The following CNTN5 variants were observed in gnomAD, a reference collection of about 807,000 sequenced individuals.
CNTN5 encodes the protein contactin 5, also known as contactin-5.
Under a neutral mutation model 129.1 loss-of-function variants are expected in CNTN5, and 77 were observed. The ratio of observed to expected loss-of-function variants is 0.60; its 90% CI spans 0.50 to 0.72. The LOEUF is 0.72. CNTN5 is among the 30% of genes least tolerant of loss of function. The pLI, the probability that CNTN5 is intolerant of heterozygous loss-of-function variation, is 0.00. For synonymous variants in CNTN5, 509 were observed against 465.6 expected, an observed-to-expected ratio of 1.09 and a Z score of -1.20; for missense variants, 1,478 against 1,328.8, an observed-to-expected ratio of 1.11 and a Z score of -1.75.
At chr11:100,256,005 T>G in intron 17 of CNTN5, 87 bp downstream of exon 17, 1 of 1,175,436 alleles carries the variant, frequency 8.5e-7, no homozygotes, top group Non-Finnish European at 1.2e-6. Context: ...ACTATGATTT[T>G]TTTGGATTCT....
intron 3 of CNTN5, among the ~76,000 whole-genome samples, chr11:99,806,860 A>G (rs1456014156): frequency 3.1e-5 from 4 of 129,672 alleles, no homozygotes; most frequent in Admixed American, 2.5e-4. Context: ...AAATACATAA[A>G]TAAATCAATC....
intron 20 of CNTN5, among the ~76,000 whole-genome samples, chr11:100,304,030 G>A (rs1054476033): frequency 1.3e-5 from 2 of 151,534 alleles, no homozygotes; most frequent in African/African-American, 2.4e-5. Flanking sequence ...CTCTTGGAAA[G>A]TCAGATGTAT....
intron 1 of CNTN5, among the ~76,000 whole-genome samples, chr11:99,187,424 TTTG>T (rs1858409172): frequency 8.0e-6 from 1 of 124,998 alleles, no homozygotes; most frequent in African/African-American, 3.1e-5. Context: ...CAAATTACAA[TTTG>T]TTATATTAAT....
At chr11:99,871,913 T>G (rs1044268713) in intron 6 of CNTN5, among the ~76,000 whole-genome samples, 5 of 151,278 alleles carry the variant, frequency 3.3e-5, no homozygotes, top group Non-Finnish European at 5.9e-5. Context: ...TATGCATTCT[T>G]TATATATTTA....
At chr11:100,033,879 G>A (rs1331977072) in intron 9 of CNTN5, among the ~76,000 whole-genome samples, 1 of 152,054 alleles carries the variant, frequency 6.6e-6, no homozygotes, top group African/African-American at 2.4e-5. Flanking sequence ...GAAAGTCTCG[G>A]ACAAAAGATT....
intron 8 of CNTN5, among the ~76,000 whole-genome samples, chr11:99,997,467 T>A (rs906031789): frequency 1.3e-5 from 2 of 152,268 alleles, no homozygotes; most frequent in African/African-American, 4.8e-5. Context: ...AGAAGTTGAA[T>A]CTCTGAATAG....
At chr11:99,633,786 T>C (rs1951450802) in intron 3 of CNTN5, among the ~76,000 whole-genome samples, 1 of 152,178 alleles carries the variant, frequency 6.6e-6, no homozygotes, top group Admixed American at 6.5e-5. Flanking sequence ...TCACATAAGA[T>C]GTGTAGAGCT....
chr11:99,381,290 C>T (rs1940546062), intron 2 of CNTN5, among the ~76,000 whole-genome samples: 1 of 152,116 alleles, frequency 6.6e-6, no homozygotes, highest in South Asian at 2.1e-4. Context: ...CAAAAGTCTT[C>T]TCACAGGAAA....
chr11:99,112,020 A>C (rs2135384271), intron 1 of CNTN5, among the ~76,000 whole-genome samples: 1 of 152,194 alleles, frequency 6.6e-6, no homozygotes, highest in Middle Eastern at 3.4e-3. Context: ...CCCACAAATA[A>C]GTCATCAAAA....
chr11:99,771,188 T>A (rs1447379910), intron 3 of CNTN5, among the ~76,000 whole-genome samples: 1 of 152,018 alleles, frequency 6.6e-6, no homozygotes, highest in Non-Finnish European at 1.5e-5. Context: ...CAAACTGGAC[T>A]TTCACATACA....
At chr11:99,328,209 C>G (rs1330175423) in intron 2 of CNTN5, among the ~76,000 whole-genome samples, 1 of 152,124 alleles carries the variant, frequency 6.6e-6, no homozygotes, top group Non-Finnish European at 1.5e-5. Context: ...CTACTACTTG[C>G]TAAAATGTTT....
At chr11:100,108,878 C>A (rs1015838706) in intron 13 of CNTN5, among the ~76,000 whole-genome samples, 3 of 151,848 alleles carry the variant, frequency 2.0e-5, no homozygotes, top group Admixed American at 2.0e-4. Flanking sequence ...TGTGGAAGAT[C>A]AAAGTAATTT....
At chr11:100,334,886 C>G (rs891358958) in intron 21 of CNTN5, among the ~76,000 whole-genome samples, 1 of 149,870 alleles carries the variant, frequency 6.7e-6, no homozygotes, top group Admixed American at 6.7e-5. Context: ...AAGAACCTAT[C>G]TATATAATCA....
At chr11:99,718,239 C>A (rs1461475495) in intron 3 of CNTN5, among the ~76,000 whole-genome samples, 5 of 152,076 alleles carry the variant, frequency 3.3e-5, no homozygotes, top group African/African-American at 1.2e-4. Flanking sequence ...ATTTGTTAAA[C>A]CAAAAATATT....
At chr11:99,150,908 T>A (rs892379746) in intron 1 of CNTN5, among the ~76,000 whole-genome samples, 15 of 152,066 alleles carry the variant, frequency 9.9e-5, no homozygotes, top group African/African-American at 3.6e-4. Flanking sequence ...AAATTGGTTT[T>A]GAAAGGTCTT....
intron 24 of CNTN5, among the ~76,000 whole-genome samples, chr11:100,352,416 C>CATTAAAA (rs1952437609): frequency 1.3e-5 from 2 of 151,626 alleles, no homozygotes; most frequent in Admixed American, 1.3e-4. Context: ...AGGAACTATA[C>CATTAAAA]ATTAAAATAT....
chr11:100,161,830 T>TACAC (rs71050053), intron 13 of CNTN5, among the ~76,000 whole-genome samples: 3,640 of 125,760 alleles, frequency 0.029, 76 homozygotes, highest in African/African-American at 0.047. Context: ...TGGAGCTTCC[T>TACAC]ACACACACAC....
In CNTN5 at chr11:100,205,014, T is replaced by C. The variant is rs571685286; in HGVS notation, c.1884+11351T>C. 2.0e-5 allele frequency among the ~76,000 whole-genome samples: 3 copies of C among 152,176 alleles called. No homozygotes were observed. The South Asian group carries it at 6.2e-4, about 32-fold the overall frequency. The stretch of plus-strand genomic sequence containing the variant: ...TTAGTTTTTTGAAAGCCTTCTTAGA[T>C]AAAAGATTGTTCCTATTATTTAATA... On this transcript the variant is annotated intron_variant, in intron 15 of 24. Transcript: ENST00000524871.
chr11:99,064,382 C>A (rs937569614), intron 1 of CNTN5, among the ~76,000 whole-genome samples: 3 of 152,052 alleles, frequency 2.0e-5, no homozygotes, highest in African/African-American at 4.8e-5. Flanking sequence ...CCTTAATGAG[C>A]AGCATGTAGG....
Sources: gnomAD v4.1 joint callset for allele counts (sites outside exome capture counted in the v4.1 genomes callset) on GRCh38, gnomAD v4.1.1 for gene constraint, MANE v1.5 for transcripts, NCBI Gene and HGNC (gene_info 2026-07-23, HGNC 2026-07-21) for gene names.